Variants in PITPNC1 observed in about 807,000 individuals in gnomAD.
PITPNC1 encodes the protein cytoplasmic phosphatidylinositol transfer protein 1.
In PITPNC1, 18 loss-of-function variants were observed where a neutral mutation model predicts 44.7. That is an observed-to-expected ratio of 0.40 (90% CI 0.28 to 0.60). The LOEUF is 0.60. Ranked by LOEUF, PITPNC1 falls within the 20% of genes least tolerant of loss-of-function variation. The pLI is 0.39. For missense variants in PITPNC1, 290 were observed against 418.4 expected (o/e 0.69, Z 2.68); for synonymous variants, 141 against 149.6 (o/e 0.94, Z 0.42).
chr17:67,560,218 A>T lies in PITPNC1; in HGVS notation c.294+6601A>T, dbSNP rs548775618. ...TGGATTTTGCAAGGCCAATCTTTTA[A>T]GACTTAGAGGTGTTCCAGAAACTTC... On this transcript the variant is annotated intron_variant, in intron 4 of 8. Coordinates refer to ENST00000581322, the MANE Select transcript of PITPNC1 (RefSeq NM_012417.4). 1.7e-3 allele frequency among the ~76,000 whole-genome samples: 258 copies of T among 152,344 alleles called. 2 individuals are homozygous for T. The highest frequency in any genetic ancestry group is 5.6e-3 in the African/African-American group (233 of 41,574).
intron 1 of PITPNC1, among the ~76,000 whole-genome samples, chr17:67,413,397 T>C (rs1409008466): frequency 1.6e-5 from 1 of 63,926 alleles, no homozygotes; most frequent in African/African-American, 7.5e-5. Context: ...TATAATGTGC[T>C]TAATTTTCTT....
At chr17:67,467,159 C>T (rs1306550444) in intron 1 of PITPNC1, among the ~76,000 whole-genome samples, 1 of 148,088 alleles carries the variant, frequency 6.8e-6, no homozygotes, top group Non-Finnish European at 1.5e-5. Context: ...GATTCTCCTG[C>T]CTCAGCCTCC....
chr17:67,675,574 A>G (rs1451786690), intron 8 of PITPNC1, 32 bp downstream of exon 8: 13 of 1,439,592 alleles, frequency 9.0e-6, no homozygotes, highest in Admixed American at 5.0e-5. Flanking sequence ...AACTTGTAGA[A>G]CAACTTCATG....
chr17:67,555,135 C>A (rs578221320), intron 4 of PITPNC1, among the ~76,000 whole-genome samples: 4 of 152,050 alleles, frequency 2.6e-5, no homozygotes, highest in Non-Finnish European at 4.4e-5. Flanking sequence ...AGCAGGGGAA[C>A]CTTTGCTCTA....
intron 7 of PITPNC1, among the ~76,000 whole-genome samples, chr17:67,670,270 CCAGA>C (rs1360838329): frequency 3.9e-5 from 6 of 152,138 alleles, no homozygotes; most frequent in East Asian, 1.9e-4. Context: ...TCATCTACTC[CCAGA>C]CAGAGAAACT....
At chr17:67,501,828 T>C (rs1313282685) in intron 1 of PITPNC1, among the ~76,000 whole-genome samples, 1 of 149,956 alleles carries the variant, frequency 6.7e-6, no homozygotes, top group African/African-American at 2.5e-5. Context: ...AGCAAAACTC[T>C]GTCTCAAAAA....
chr17:67,441,698 T>C (rs1373469663), intron 1 of PITPNC1, among the ~76,000 whole-genome samples: 1 of 152,184 alleles, frequency 6.6e-6, no homozygotes, highest in Non-Finnish European at 1.5e-5. Flanking sequence ...TGGGGAAAAG[T>C]GACAGAAGAG....
At chr17:67,395,845 G>A (rs1041624334) in intron 1 of PITPNC1, among the ~76,000 whole-genome samples, 2 of 152,142 alleles carry the variant, frequency 1.3e-5, no homozygotes, top group Non-Finnish European at 2.9e-5. Flanking sequence ...TTTAGTCATC[G>A]GGGTACAGAT....
chr17:67,586,545 A>T (rs1422233248), intron 5 of PITPNC1, among the ~76,000 whole-genome samples: 1 of 152,090 alleles, frequency 6.6e-6, no homozygotes, highest in Admixed American at 6.6e-5. Flanking sequence ...CAGTGAGCCG[A>T]AATTGTGCCA....
intron 1 of PITPNC1, among the ~76,000 whole-genome samples, chr17:67,460,210 G>A (rs1169439452): frequency 6.6e-6 from 1 of 152,140 alleles, no homozygotes; most frequent in African/African-American, 2.4e-5. Flanking sequence ...TGCCTTCCGT[G>A]TCAGCCCCTG....
At chr17:67,627,995 C>T (rs1208179790) in intron 5 of PITPNC1, among the ~76,000 whole-genome samples, 3 of 148,780 alleles carry the variant, frequency 2.0e-5, no homozygotes, top group Non-Finnish European at 3.0e-5. Flanking sequence ...GGCACAATCT[C>T]GGCTCACTGC....
At chr17:67,595,907 TAG>T (rs1210148651) in intron 5 of PITPNC1, among the ~76,000 whole-genome samples, 1 of 152,236 alleles carries the variant, frequency 6.6e-6, no homozygotes, top group Non-Finnish European at 1.5e-5. Context: ...AACCATTATC[TAG>T]AGTAATTTTA....
intron 1 of PITPNC1, among the ~76,000 whole-genome samples, chr17:67,512,500 CAA>C (rs1006177232): frequency 5.0e-5 from 3 of 59,690 alleles, no homozygotes; most frequent in African/African-American, 1.3e-4. Flanking sequence ...GACTGTGTCT[CAA>C]AAAAAAAAAA....
At chr17:67,658,475 C>G (rs572784858) in intron 6 of PITPNC1, among the ~76,000 whole-genome samples, 1 of 152,290 alleles carries the variant, frequency 6.6e-6, no homozygotes, top group African/African-American at 2.4e-5. Flanking sequence ...GGGACTTTCC[C>G]ACTTTGGGAT....
intron 5 of PITPNC1, among the ~76,000 whole-genome samples, chr17:67,599,040 T>C (rs1488801134): frequency 1.5e-5 from 1 of 68,110 alleles, no homozygotes; most frequent in Non-Finnish European, 3.2e-5. Context: ...ATATATTTTT[T>C]TTTTTTTTTT....
At chr17:67,602,077 T>C (rs559051366) in intron 5 of PITPNC1, among the ~76,000 whole-genome samples, 13 of 152,204 alleles carry the variant, frequency 8.5e-5, no homozygotes, top group African/African-American at 3.1e-4. Flanking sequence ...ATTTGGGAAA[T>C]GTTGAATGAG....
In PITPNC1 at chr17:67,532,816, G is replaced by A; in HGVS notation, c.63G>A (p.Gln21=). ...PLTVDEYKIG[Q]LYMISKHSHE... ...CTGTTTTGTAGTACAAAATTGGACA[G>A]CTGTACATGATCAGCAAACACAGCC... The change falls in exon 2 of 9, where the codon CAG becomes CAA. Residue 21 remains glutamine (Q), a synonymous_variant. Coordinates refer to ENST00000581322, the MANE Select transcript of PITPNC1 (RefSeq NM_012417.4). The A allele has an allele frequency of 6.4e-7, 1 of 1,567,564 alleles. No homozygotes were observed. The highest frequency in any genetic ancestry group is 1.2e-5 in the South Asian group (1 of 84,904).
intron 5 of PITPNC1, among the ~76,000 whole-genome samples, chr17:67,590,676 T>C (rs947822904): frequency 1.3e-5 from 2 of 152,142 alleles, no homozygotes; most frequent in Non-Finnish European, 2.9e-5. Context: ...AATTTTACAA[T>C]AGACAGCCAG....
intron 1 of PITPNC1, among the ~76,000 whole-genome samples, chr17:67,509,898 A>G (rs1427947570): frequency 1.3e-5 from 2 of 152,104 alleles, no homozygotes; most frequent in Non-Finnish European, 2.9e-5. Context: ...CTATGAATGG[A>G]TTTGGAGCTT....
Sources: allele counts gnomAD v4.1 joint callset (sites outside exome capture counted in the v4.1 genomes callset), GRCh38; gene constraint gnomAD v4.1.1; transcripts MANE v1.5; gene names NCBI Gene and HGNC (gene_info 2026-07-23, HGNC 2026-07-21).